The following PKIB variants were observed in gnomAD, a reference collection of about 807,000 sequenced individuals.
The protein encoded by PKIB is PKI-beta.
In PKIB, 2 loss-of-function variants were observed where a neutral mutation model predicts 4.5. The ratio of observed to expected loss-of-function variants is 0.44; its 90% CI spans 0.18 to 1.39. PKIB has a LOEUF of 1.39. PKIB is among the 40% of genes most tolerant of loss of function. PKIB has a pLI of 0.27. For synonymous variants in PKIB, 38 were observed against 36.0 expected (o/e 1.06, Z -0.20); for missense variants, 94 against 92.6 (o/e 1.02, Z -0.06).
chr6:122,667,048 CA>C (rs546113801), intron 2 of PKIB, among the ~76,000 whole-genome samples: 6 of 152,252 alleles, frequency 3.9e-5, no homozygotes, highest in African/African-American at 1.4e-4. Flanking sequence ...CCTTTCCTCC[CA>C]GTGAGTTGGT....
intron 2 of PKIB, among the ~76,000 whole-genome samples, chr6:122,543,179 G>A (rs1045448055): frequency 6.6e-6 from 1 of 152,002 alleles, no homozygotes; most frequent in African/African-American, 2.4e-5. Context: ...GTGAGGCAAT[G>A]CCTCGCCCTG....
intron 2 of PKIB, among the ~76,000 whole-genome samples, chr6:122,513,621 G>A (rs1315792415): frequency 1.3e-5 from 2 of 152,050 alleles, no homozygotes; most frequent in Non-Finnish European, 2.9e-5. Flanking sequence ...CACCCCGTGG[G>A]CTTCTCCTTC....
At chr6:122,549,889 T>TACAC (rs1386578096) in intron 2 of PKIB, among the ~76,000 whole-genome samples, 1 of 145,446 alleles carries the variant, frequency 6.9e-6, no homozygotes, top group African/African-American at 2.5e-5. Context: ...TAATTTTATA[T>TACAC]ATACACACAC....
chr6:122,680,528 G>A (rs189211289), intron 3 of PKIB, among the ~76,000 whole-genome samples: 236 of 152,222 alleles, frequency 1.6e-3, no homozygotes, highest in African/African-American at 5.4e-3. Flanking sequence ...GTTTCATGGT[G>A]GGCTTTGGGA....
At chr6:122,538,158 G>A (rs531416864) in intron 2 of PKIB, among the ~76,000 whole-genome samples, 4 of 152,002 alleles carry the variant, frequency 2.6e-5, no homozygotes, top group Non-Finnish European at 5.9e-5. Context: ...AGTTTCTTTT[G>A]CTGTGCAGAA....
At chr6:122,596,621 G>A (rs1232938822) in intron 3 of PKIB, among the ~76,000 whole-genome samples, 1 of 152,152 alleles carries the variant, frequency 6.6e-6, no homozygotes, top group Non-Finnish European at 1.5e-5. Context: ...CCCAGTAATA[G>A]GCCAAGAGCT....
intron 2 of PKIB, among the ~76,000 whole-genome samples, chr6:122,496,250 G>T (rs925757975): frequency 5.9e-5 from 9 of 152,154 alleles, no homozygotes; most frequent in African/African-American, 2.2e-4. Context: ...GGCTATAGAA[G>T]TAAAGCCAAA....
intron 2 of PKIB, among the ~76,000 whole-genome samples, chr6:122,485,144 G>A (rs550048812): frequency 1.3e-5 from 2 of 152,018 alleles, no homozygotes; most frequent in Admixed American, 6.5e-5. Flanking sequence ...TTTGTGAATC[G>A]TGCCTTGCTC....
intron 3 of PKIB, among the ~76,000 whole-genome samples, chr6:122,714,140 AG>A (rs146745940): frequency 4.3e-4 from 66 of 152,294 alleles, no homozygotes; most frequent in Non-Finnish European, 6.9e-4. Context: ...ACCAATTTCT[AG>A]GCCATTGACA....
chr6:122,560,752 G>A (rs571346105), intron 2 of PKIB, among the ~76,000 whole-genome samples: 6 of 151,750 alleles, frequency 4.0e-5, no homozygotes, highest in Admixed American at 6.6e-5. Context: ...TATCTAATTC[G>A]TCCTGATTTA....
chr6:122,568,739 T>C (rs1773267486), intron 2 of PKIB, among the ~76,000 whole-genome samples: 4 of 151,966 alleles, frequency 2.6e-5, no homozygotes, highest in Admixed American at 2.6e-4. Context: ...GAACCCAGGG[T>C]TGGAAGTGGG....
intron 2 of PKIB, among the ~76,000 whole-genome samples, chr6:122,560,833 G>T (rs2114671708): frequency 6.6e-6 from 1 of 152,132 alleles, no homozygotes; most frequent in African/African-American, 2.4e-5. Context: ...GTTCATAAAG[G>T]TGTTCATAGT....
In PKIB at chr6:122,576,689, A is replaced by AAAATATATATATATAT. The variant is rs1345822382; in HGVS notation, c.-247-9231_-247-9230insAATATATATATATATA. 2.8e-3 allele frequency among the ~76,000 whole-genome samples: 95 copies of AAAATATATATATATAT among 34,284 alleles called. 1 individual carries two copies. Among genetic ancestry groups the AAAATATATATATATAT allele is most frequent in the Non-Finnish European group, 3.4e-3 (73 of 21,432 alleles). 22.5% of individuals were successfully genotyped at this position (34,284 alleles called of 152,430 possible). On this transcript the variant is annotated intron_variant, in intron 2 of 6. Coordinates refer to the PKIB transcript ENST00000392491. ...ATCTCAAAAAAAAAAAAAAAAAAAA[A>AAAATATATATATATAT]ATATATATATATATATATATATTTT...
chr6:122,491,678 T>C (rs1402951742), intron 2 of PKIB, among the ~76,000 whole-genome samples: 1 of 152,224 alleles, frequency 6.6e-6, no homozygotes, highest in East Asian at 1.9e-4. Flanking sequence ...AAATAGGTTG[T>C]GGAAGCACAT....
intron 2 of PKIB, among the ~76,000 whole-genome samples, chr6:122,497,751 C>T (rs79605501): frequency 0.015 from 2,331 of 152,194 alleles, 70 homozygotes; most frequent in African/African-American, 0.054. Flanking sequence ...GACTTAGCCA[C>T]GCAATTATAG....
At chr6:122,589,046 T>G (rs1321560688) in intron 3 of PKIB, among the ~76,000 whole-genome samples, 1 of 152,138 alleles carries the variant, frequency 6.6e-6, no homozygotes, top group Non-Finnish European at 1.5e-5. Flanking sequence ...TGACCTAATA[T>G]AACTTCCTAG....
chr6:122,601,795 C>T (rs1774376602), intron 3 of PKIB, among the ~76,000 whole-genome samples: 1 of 151,994 alleles, frequency 6.6e-6, no homozygotes, highest in Non-Finnish European at 1.5e-5. Flanking sequence ...TGTTAATCAA[C>T]TGTTTGTGTT....
chr6:122,559,692 ATTTG>A (rs1772960895), intron 2 of PKIB, among the ~76,000 whole-genome samples: 1 of 152,108 alleles, frequency 6.6e-6, no homozygotes, highest in Admixed American at 6.5e-5. Flanking sequence ...ATGTGTTTCC[ATTTG>A]TTTGTGTCAT....
intron 2 of PKIB, among the ~76,000 whole-genome samples, chr6:122,638,582 T>A (rs1414658251): frequency 6.6e-6 from 1 of 152,222 alleles, no homozygotes; most frequent in Non-Finnish European, 1.5e-5. Context: ...CCCTTTTGTT[T>A]CAGGGCTCAA....
Sources: gnomAD v4.1 joint callset for allele counts (sites outside exome capture counted in the v4.1 genomes callset) on GRCh38, gnomAD v4.1.1 for gene constraint, MANE v1.5 for transcripts, NCBI Gene and HGNC (gene_info 2026-07-23, HGNC 2026-07-21) for gene names.